The following CIMIP4 variants were observed in gnomAD, a reference collection of about 807,000 sequenced individuals.
The protein encoded by CIMIP4 is ciliary microtubule inner protein 4.
chr22:37,003,422 G>A, the CIMIP4 span, among the ~76,000 whole-genome samples: 4 of 152,142 alleles, frequency 2.6e-5, no homozygotes, highest in East Asian at 3.8e-4. Flanking sequence ...TTCTCAGAGC[G>A]GGCCTGACTC....
chr22:36,993,589 C>A, the CIMIP4 span, among the ~76,000 whole-genome samples: 6 of 151,064 alleles, frequency 4.0e-5, no homozygotes, highest in African/African-American at 1.5e-4. Flanking sequence ...ATTAGCCGGG[C>A]GTTGTGGCAG....
At chr22:36,997,403 G>A in the CIMIP4 span, among the ~76,000 whole-genome samples, 3 of 152,196 alleles carry the variant, frequency 2.0e-5, no homozygotes, top group Non-Finnish European at 2.9e-5. Context: ...TGAAGTCAAC[G>A]TTAATTCCTC....
At chr22:37,001,747 T>G in the CIMIP4 span, 1 of 1,299,012 alleles carries the variant, frequency 7.7e-7, no homozygotes, top group African/African-American at 1.5e-5. Context: ...TCTAGTGGTA[T>G]TATTATAGGG....
At chr22:36,995,049 G>A in the CIMIP4 span, among the ~76,000 whole-genome samples, 1 of 152,178 alleles carries the variant, frequency 6.6e-6, no homozygotes, top group African/African-American at 2.4e-5. Flanking sequence ...GTTCTCCAAT[G>A]ACAGTCACAT....
chr22:37,000,126 G>T, the CIMIP4 span: 2 of 1,129,742 alleles, frequency 1.8e-6, no homozygotes, highest in Non-Finnish European at 2.4e-6. Context: ...CTATTCACAG[G>T]GCTGGGGAGC....
At chr22:37,003,822 C>G in the CIMIP4 span, 5 of 702,330 alleles carry the variant, frequency 7.1e-6, no homozygotes, top group African/African-American at 3.7e-5. Context: ...CAGAATGCCC[C>G]CCTAGGAAGC....
At chr22:37,003,556 G>A in the CIMIP4 span, among the ~76,000 whole-genome samples, 2 of 152,072 alleles carry the variant, frequency 1.3e-5, no homozygotes, top group East Asian at 3.9e-4. Flanking sequence ...CTCCTGCCTG[G>A]AACACTCCCC....
At chr22:36,991,359 AC>A in the CIMIP4 span, 345 of 1,560,952 alleles carry the variant, frequency 2.2e-4, 3 homozygotes, top group African/African-American at 4.3e-3. Flanking sequence ...GATGACTCGT[AC>A]CTCTTCCAAG....
the CIMIP4 span, among the ~76,000 whole-genome samples, chr22:37,007,087 C>G: frequency 1.3e-5 from 2 of 152,144 alleles, no homozygotes; most frequent in African/African-American, 2.4e-5. Flanking sequence ...CCAAGCAACA[C>G]CTTGATTGCA....
the CIMIP4 span, among the ~76,000 whole-genome samples, chr22:37,007,193 A>G: frequency 3.3e-4 from 50 of 152,322 alleles, no homozygotes; most frequent in Admixed American, 2.1e-3. Flanking sequence ...TCTTAAGCCC[A>G]CTAAGTTTTG....
the CIMIP4 span, chr22:37,004,063 C>A: frequency 6.6e-7 from 1 of 1,514,260 alleles, no homozygotes; most frequent in Non-Finnish European, 8.9e-7. Flanking sequence ...TCTCAGATAA[C>A]ACACAGAGTT....
chr22:36,998,967 G>A, the CIMIP4 span, among the ~76,000 whole-genome samples: 11 of 152,226 alleles, frequency 7.2e-5, no homozygotes, highest in East Asian at 7.7e-4. Flanking sequence ...CCACTGTACC[G>A]AGAAGGCAGC....
the CIMIP4 span, among the ~76,000 whole-genome samples, chr22:36,994,557 T>C: frequency 1.2e-4 from 19 of 152,006 alleles, no homozygotes; most frequent in South Asian, 4.2e-4. Context: ...TTAGTAGATA[T>C]AGGGTTTCAC....
At chr22:36,991,419 C>T in the CIMIP4 span, 10 of 1,581,690 alleles carry the variant, frequency 6.3e-6, no homozygotes, top group South Asian at 3.3e-5. Context: ...ACCCTTAGAG[C>T]CAACACACCC....
the CIMIP4 span, chr22:37,002,064 G>A: frequency 1.2e-6 from 2 of 1,607,104 alleles, no homozygotes; most frequent in Admixed American, 3.4e-5. Flanking sequence ...CTGGACTGTG[G>A]GTCCATGCCC....
chr22:36,996,619 T>G, the CIMIP4 span, among the ~76,000 whole-genome samples: 1 of 152,222 alleles, frequency 6.6e-6, no homozygotes, highest in African/African-American at 2.4e-5. Flanking sequence ...TAAATTGAGC[T>G]GTAGATTCAA....
chr22:37,001,330 G>C, the CIMIP4 span, among the ~76,000 whole-genome samples: 14 of 151,726 alleles, frequency 9.2e-5, no homozygotes, highest in South Asian at 1.3e-3. Context: ...GCCCAGAGAG[G>C]GTAAGTAACT....
At chr22:36,994,893 G>A in the CIMIP4 span, among the ~76,000 whole-genome samples, 1 of 152,140 alleles carries the variant, frequency 6.6e-6, no homozygotes, top group African/African-American at 2.4e-5. Context: ...GCCTCCCAAA[G>A]TGCTGGGATT....
the CIMIP4 span, among the ~76,000 whole-genome samples, chr22:37,007,137 C>A: frequency 6.6e-6 from 1 of 152,180 alleles, no homozygotes; most frequent in Non-Finnish European, 1.5e-5. Context: ...CACCAACACT[C>A]CACCGGTATT....
Sources: allele counts gnomAD v4.1 joint callset (sites outside exome capture counted in the v4.1 genomes callset), GRCh38; gene constraint gnomAD v4.1.1; transcripts MANE v1.5; gene names NCBI Gene and HGNC (gene_info 2026-07-23, HGNC 2026-07-21).